CELF2: variants seen among roughly 807,000 people sequenced by gnomAD.
The protein encoded by CELF2 is CUGBP Elav-like family member 2.
A neutral mutation model predicts 62.6 loss-of-function variants in CELF2; 8 were observed. The ratio of observed to expected loss-of-function variants is 0.13; its 90% CI spans 0.07 to 0.23. The LOEUF (loss-of-function observed/expected upper bound fraction) is 0.23. Among genes scored for constraint, CELF2 ranks in the 10% least tolerant of loss-of-function variants. The probability of loss-of-function intolerance (pLI) is 1.00; values close to 1 mark genes in which losing one functional copy is unlikely to be tolerated. For synonymous variants in CELF2, 258 were observed against 250.0 expected (o/e 1.03, Z -0.30); for missense variants, 333 against 671.0 (o/e 0.50, Z 5.56).
the CELF2 span, among the ~76,000 whole-genome samples, chr10:10,528,159 T>TTTTG: frequency 1.1e-3 from 46 of 41,854 alleles, no homozygotes; most frequent in African/African-American, 2.4e-3. Context: ...GATTCCTGTT[T>TTTTG]TGTGTGTGTG....
intron 2 of CELF2, among the ~76,000 whole-genome samples, chr10:10,954,214 A>AT (rs1393914401): frequency 2.5e-3 from 8 of 3,248 alleles, no homozygotes; most frequent in African/African-American, 2.7e-3. Context: ...CAATTTATTT[A>AT]TTATTATTAT....
At chr10:11,301,260 G>C (rs576271618) in intron 9 of CELF2, among the ~76,000 whole-genome samples, 1 of 151,870 alleles carries the variant, frequency 6.6e-6, no homozygotes, top group Non-Finnish European at 1.5e-5. Flanking sequence ...AAGTTCCTCC[G>C]CAGGCAGCCT....
intron 2 of CELF2, among the ~76,000 whole-genome samples, chr10:11,197,058 A>AAGGAAAGAAGG (rs1554936744): frequency 1.4e-5 from 1 of 71,932 alleles, no homozygotes; most frequent in African/African-American, 5.8e-5. Context: ...AGAAAGAAAG[A>AAGGAAAGAAGG]AAAGAAAGAA....
chr10:11,031,836 AACTC>A (rs1227642805), intron 1 of CELF2, among the ~76,000 whole-genome samples: 2 of 152,134 alleles, frequency 1.3e-5, no homozygotes, highest in African/African-American at 4.8e-5. Context: ...ACGTGATACT[AACTC>A]CATTCTCTGA....
the CELF2 span, among the ~76,000 whole-genome samples, chr10:10,696,291 G>C: frequency 6.6e-6 from 1 of 151,918 alleles, no homozygotes; most frequent in Non-Finnish European, 1.5e-5. Context: ...CCCTGCTGGG[G>C]GGTGCCTCCC....
At chr10:10,932,329 T>C (rs984610178) in intron 2 of CELF2, among the ~76,000 whole-genome samples, 1 of 152,112 alleles carries the variant, frequency 6.6e-6, no homozygotes, top group African/African-American at 2.4e-5. Context: ...CTTTGGGAGA[T>C]CTATTGTACA....
chr10:11,258,964 G>T (rs11592237), intron 5 of CELF2, among the ~76,000 whole-genome samples: 12,026 of 152,314 alleles, frequency 0.079, 595 homozygotes, highest in Non-Finnish European at 0.11. Flanking sequence ...GATTACAGGC[G>T]TGAGCCACCG....
chr10:10,731,677 G>T, the CELF2 span, among the ~76,000 whole-genome samples: 1 of 152,060 alleles, frequency 6.6e-6, no homozygotes, highest in Admixed American at 6.6e-5. Context: ...ATTTTGAAAG[G>T]GTACCCCTTA....
intron 1 of CELF2, among the ~76,000 whole-genome samples, chr10:10,826,649 G>T (rs766850077): frequency 5.3e-5 from 8 of 152,284 alleles, no homozygotes; most frequent in South Asian, 2.1e-4. Context: ...TGGACAGAAG[G>T]TTCTATCTCT....
intron 2 of CELF2, among the ~76,000 whole-genome samples, chr10:11,173,516 TGAA>T (rs2069736537): frequency 6.6e-6 from 1 of 152,166 alleles, no homozygotes; most frequent in South Asian, 2.1e-4. Context: ...ACATACCTTT[TGAA>T]GAAGTTTATT....
In CELF2 at chr10:11,244,657, T is replaced by TG. The variant is rs2075059988; in HGVS notation, c.355-4496_355-4495insG. Among the ~76,000 whole-genome samples the TG allele has an allele frequency of 2.7e-5, 2 of 73,668 alleles. No individual in the cohort carries two copies. 48.3% of individuals were successfully genotyped at this position (73,668 alleles called of 152,430 possible). A position where few individuals can be genotyped will look rare whatever the true frequency, so the allele number is the denominator to read the frequency against. ...CTAGGTGACAGAGCAAGACTCCGTCTCAAAAAAAAAAAAACAGCATAAAAA... is the reference window on the plus strand; with the variant it reads ...CTAGGTGACAGAGCAAGACTCCGTCTGCAAAAAAAAAAAAACAGCATAAAAA... On this transcript the variant is annotated intron_variant, in intron 3 of 12. Transcript: ENST00000633077. The surrounding 1 kb of genome is among the most constrained non-coding windows in gnomAD (Gnocchi z 4.2).
chr10:10,780,625 C>T, the CELF2 span, among the ~76,000 whole-genome samples: 5 of 152,088 alleles, frequency 3.3e-5, no homozygotes, highest in African/African-American at 9.7e-5. Flanking sequence ...GGATTACAGG[C>T]GCCTGCTACC....
chr10:11,165,733 G>T lies in CELF2; in HGVS notation c.271+51G>T. ...CAGGCGTCCAGGTGGGCGTCGCGGGGCACTGGGGCTGTCCGAGCCCCCAGC... is the reference window on the plus strand; with the variant it reads ...CAGGCGTCCAGGTGGGCGTCGCGGGTCACTGGGGCTGTCCGAGCCCCCAGC... On this transcript the variant is annotated intron_variant, in intron 2 of 12. Coordinates refer to ENST00000633077, the MANE Select transcript of CELF2 (RefSeq NM_001326342.2). This position sits in a 1 kb window ranked among gnomAD's most constrained non-coding sequence, Gnocchi z 7.4. 6.6e-7 allele frequency: 1 copy of T among 1,524,738 alleles called. No homozygotes were observed. The highest frequency in any genetic ancestry group is 8.9e-7 in the Non-Finnish European group (1 of 1,127,466). 94.5% of individuals were successfully genotyped at this position (1,524,738 alleles called of 1,614,324 possible).
chr10:10,854,894 G>C (rs2059612760), intron 1 of CELF2, among the ~76,000 whole-genome samples: 2 of 151,924 alleles, frequency 1.3e-5, no homozygotes, highest in Non-Finnish European at 2.9e-5. Context: ...CGGGCAGAAA[G>C]TGGGCTCCAG....
At chr10:10,695,375 A>C in the CELF2 span, among the ~76,000 whole-genome samples, 34,377 of 123,990 alleles carry the variant, frequency 0.28, 6,618 homozygotes, top group Non-Finnish European at 0.43. Context: ...CCGAGAGATC[A>C]GCTGTTAGTC....
At chr10:11,144,970 T>C (rs75891707) in intron 1 of CELF2, among the ~76,000 whole-genome samples, 8,402 of 149,392 alleles carry the variant, frequency 0.056, 284 homozygotes, top group African/African-American at 0.088. Context: ...GTTGAAAATA[T>C]GCGAAGCTGT....
the CELF2 span, among the ~76,000 whole-genome samples, chr10:10,646,812 G>T: frequency 2.0e-5 from 3 of 152,140 alleles, no homozygotes; most frequent in Admixed American, 6.5e-5. Context: ...CTTCAGCTTC[G>T]CTTGGCATTA....
At chr10:11,019,549 A>G (rs1403965336) in intron 1 of CELF2, among the ~76,000 whole-genome samples, 1 of 151,666 alleles carries the variant, frequency 6.6e-6, no homozygotes, top group Non-Finnish European at 1.5e-5. Flanking sequence ...TTCTTGAGAA[A>G]CTCTGCAGTG....
In CELF2 at chr10:11,332,001, A is replaced by G. The variant is rs1252860106; in HGVS notation, c.*2948A>G. The G allele has an allele frequency of 5.3e-5, 8 of 152,092 alleles. No individual in the cohort carries two copies. Among genetic ancestry groups the G allele is most frequent in the African/African-American group, 1.9e-4 (8 of 41,328 alleles). 9.4% of individuals were successfully genotyped at this position (152,092 alleles called of 1,614,324 possible). ...CTTTGTTCTTTGGTTAAGATCCAAA[A>G]GAAAACAGAAAACAATTCCACGAGG... On this transcript the variant is annotated 3_prime_UTR_variant, in exon 13 of 13. Transcript: ENST00000633077.
Sources: gnomAD v4.1 joint callset for allele counts (sites outside exome capture counted in the v4.1 genomes callset) on GRCh38, gnomAD v4.1.1 for gene constraint, Gnocchi (gnomAD v3.1) non-coding constraint, MANE v1.5 for transcripts, NCBI Gene and HGNC (gene_info 2026-07-23, HGNC 2026-07-21) for gene names.